The following SPHKAP variants were observed in gnomAD, a reference collection of about 807,000 sequenced individuals.
SPHKAP encodes the protein A-kinase anchor protein SPHKAP.
Under a neutral mutation model 137.5 loss-of-function variants are expected in SPHKAP, and 67 were observed. The ratio of observed to expected loss-of-function variants is 0.49; its 90% CI spans 0.40 to 0.60. The LOEUF (loss-of-function observed/expected upper bound fraction) is 0.60. SPHKAP is among the 20% of genes least tolerant of loss of function. SPHKAP has a pLI of 0.00. For missense variants in SPHKAP, 2,097 were observed against 2,069.3 expected, an observed-to-expected ratio of 1.01 and a Z score of -0.26; for synonymous variants, 813 against 785.3, an observed-to-expected ratio of 1.04 and a Z score of -0.59.
At chr2:228,132,601 A>C in intron 1 of SPHKAP, 1 of 531,046 alleles carries the variant, frequency 1.9e-6, no homozygotes, top group Non-Finnish European at 2.4e-6. Context: ...TAGCTCCTCA[A>C]ATTCTCTATC....
rs1244370075 is a variant in SPHKAP, at chr2:228,016,800, C to G, written c.4054G>C (p.Ala1352Pro). The part of the protein sequence containing the change: ...SQAEKCANRL[A>P]ASRMCSGPTL... ...GGCCCACTGCACATCCTGCTCGCAG[C>G]TAATCTATTTGCACACTTCTCTGCT... Residue 1352 changes from alanine (A) to proline (P), a missense_variant, in exon 7 of 12, where the codon GCT becomes CCT. Physicochemically the swap from Ala to Pro is conservative, Grantham distance 27 (BLOSUM62 -1). Coordinates refer to ENST00000392056, the MANE Select transcript of SPHKAP (RefSeq NM_001142644.2). 3 of 1,613,918 alleles carry G rather than the reference C, an allele frequency of 1.9e-6. No individual in the cohort carries two copies. Among genetic ancestry groups the G allele is most frequent in the Non-Finnish European group, 2.5e-6 (3 of 1,179,988 alleles).
intron 3 of SPHKAP, among the ~76,000 whole-genome samples, chr2:228,101,162 C>T (rs149153389): frequency 1.1e-3 from 162 of 152,264 alleles, no homozygotes; most frequent in African/African-American, 3.7e-3. Context: ...TAAAGGGCAT[C>T]CAGCATCATC....
chr2:227,991,603 C>T, intron 9 of SPHKAP: 22 of 985,364 alleles, frequency 2.2e-5, no homozygotes, highest in Non-Finnish European at 2.7e-5. Flanking sequence ...AGAGATGCAA[C>T]CTTCTCTTCA....
intron 1 of SPHKAP, among the ~76,000 whole-genome samples, chr2:228,153,861 C>T (rs528678677): frequency 1.3e-5 from 2 of 152,004 alleles, no homozygotes; most frequent in Non-Finnish European, 2.9e-5. Flanking sequence ...ACAGCGCCAG[C>T]GGGCTTAAAG....
chr2:228,025,244 A>C lies in SPHKAP; in HGVS notation c.441+150T>G, dbSNP rs940145819. The stretch of plus-strand genomic sequence containing the variant: ...ACTCTAAGTGGCTCTATTTAAGAGA[A>C]ATACAAATGCAGACTTTTCTCAAAT... On this transcript the variant is annotated intron_variant, in intron 5 of 11. Coordinates refer to ENST00000392056, the MANE Select transcript of SPHKAP (RefSeq NM_001142644.2). 5 of 792,654 alleles carry C rather than the reference A, an allele frequency of 6.3e-6. No homozygotes were observed. The South Asian group carries it at 1.3e-4, about 21-fold the overall frequency. 49.1% of individuals were successfully genotyped at this position (792,654 alleles called of 1,614,324 possible).
intron 1 of SPHKAP, among the ~76,000 whole-genome samples, chr2:228,174,774 A>G (rs1700689505): frequency 6.6e-6 from 1 of 152,214 alleles, no homozygotes; most frequent in African/African-American, 2.4e-5. Context: ...GGAATTACAA[A>G]TCATGATTAT....
intron 3 of SPHKAP, among the ~76,000 whole-genome samples, chr2:228,087,192 G>C: frequency 6.6e-6 from 1 of 152,062 alleles, no homozygotes; most frequent in East Asian, 1.9e-4. Context: ...TGTCCTCTGA[G>C]GAATGATACC....
At chr2:228,103,055 G>T (rs1218445907) in intron 3 of SPHKAP, among the ~76,000 whole-genome samples, 1 of 152,074 alleles carries the variant, frequency 6.6e-6, no homozygotes. Flanking sequence ...CCACTCTTCA[G>T]TTTCATGTTT....
intron 1 of SPHKAP, among the ~76,000 whole-genome samples, chr2:228,175,947 C>G (rs1014001618): frequency 2.6e-5 from 4 of 152,148 alleles, no homozygotes; most frequent in Non-Finnish European, 5.9e-5. Context: ...ATGAAACCAT[C>G]ATATTTAGAG....
intron 2 of SPHKAP, among the ~76,000 whole-genome samples, chr2:228,122,764 C>G (rs1205208817): frequency 6.6e-6 from 1 of 152,134 alleles, no homozygotes; most frequent in Non-Finnish European, 1.5e-5. Flanking sequence ...TCAGTACAAC[C>G]CTGATGTTGA....
chr2:228,150,184 C>T (rs1001902496), intron 1 of SPHKAP, among the ~76,000 whole-genome samples: 2 of 152,132 alleles, frequency 1.3e-5, no homozygotes, highest in Admixed American at 6.6e-5. Flanking sequence ...AGTTTTATAA[C>T]AATATTATCT....
chr2:228,102,973 G>A (rs577528255), intron 3 of SPHKAP, among the ~76,000 whole-genome samples: 13 of 152,188 alleles, frequency 8.5e-5, no homozygotes, highest in Admixed American at 8.5e-4. Flanking sequence ...TCGAACTCCT[G>A]GGCTCAAGCA....
At position 228,060,728 on chromosome 2, in the gene SPHKAP, T is replaced by C. The variant is rs146473310; in HGVS notation, c.247-33185A>G. On this transcript the variant is annotated intron_variant, in intron 3 of 11. Coordinates refer to ENST00000392056, the MANE Select transcript of SPHKAP (RefSeq NM_001142644.2). ...TAAGGCATCTAATGTTGGGTTCAAA[T>C]GGTGGTTTGGGAGAAAGCCACAGAG... 1.7e-3 allele frequency among the ~76,000 whole-genome samples: 255 copies of C among 152,298 alleles called. 2 individuals carry two copies. The highest frequency in any genetic ancestry group is 1.6e-4 in the Non-Finnish European group (11 of 68,034).
At chr2:228,124,723 A>G (rs1574871452) in intron 2 of SPHKAP, among the ~76,000 whole-genome samples, 1 of 74,252 alleles carries the variant, frequency 1.3e-5, no homozygotes, top group South Asian at 3.7e-4. Flanking sequence ...CCTAAAACTT[A>G]AAGTATAAAA....
At chr2:228,071,615 AC>A (rs933651112) in intron 3 of SPHKAP, among the ~76,000 whole-genome samples, 4 of 152,168 alleles carry the variant, frequency 2.6e-5, no homozygotes, top group Non-Finnish European at 5.9e-5. Flanking sequence ...GAGATATTTC[AC>A]AAAAAGTGCA....
At chr2:228,033,430 G>A (rs963693187) in intron 3 of SPHKAP, among the ~76,000 whole-genome samples, 2 of 152,004 alleles carry the variant, frequency 1.3e-5, no homozygotes, top group African/African-American at 4.8e-5. Flanking sequence ...AATAATAACG[G>A]GAGAGTTTAA....
intron 3 of SPHKAP, among the ~76,000 whole-genome samples, chr2:228,102,629 C>T (rs76906089): frequency 6.6e-6 from 1 of 152,112 alleles, no homozygotes; most frequent in African/African-American, 2.4e-5. Context: ...AAGTCTAAAG[C>T]CTGCACTCCA....
chr2:228,135,258 G>A (rs6747546), intron 1 of SPHKAP, among the ~76,000 whole-genome samples: 35,649 of 134,660 alleles, frequency 0.26, 4,654 homozygotes, highest in South Asian at 0.46. Flanking sequence ...TGGGCAACAA[G>A]AGTGAAACTC....
chr2:228,070,954 T>C (rs948019789), intron 3 of SPHKAP, among the ~76,000 whole-genome samples: 1 of 152,142 alleles, frequency 6.6e-6, no homozygotes, highest in Non-Finnish European at 1.5e-5. Flanking sequence ...TGGGTGGCCC[T>C]GGGCATTGTT....
Sources: gnomAD v4.1 joint callset for allele counts (sites outside exome capture counted in the v4.1 genomes callset) on GRCh38, gnomAD v4.1.1 for gene constraint, MANE v1.5 for transcripts, NCBI Gene and HGNC (gene_info 2026-07-23, HGNC 2026-07-21) for gene names.